ZFYVE28: variants seen among roughly 807,000 people sequenced by gnomAD.
ZFYVE28 encodes the protein lateral signaling target protein 2 homolog.
ZFYVE28 carries 40 observed loss-of-function variants against 82.1 expected under a neutral mutation model. That is an observed-to-expected ratio of 0.49 (90% confidence interval 0.38 to 0.63). The LOEUF (loss-of-function observed/expected upper bound fraction) is 0.63. Ranked by LOEUF, ZFYVE28 falls within the 30% of genes least tolerant of loss-of-function variation. The pLI, the probability that ZFYVE28 is intolerant of heterozygous loss-of-function variation, is 0.00. For missense variants in ZFYVE28, 1,321 were observed against 1,242.1 expected (o/e 1.06, Z -0.96); for synonymous variants, 612 against 546.1 (o/e 1.12, Z -1.68).
chr4:2,312,556 G>A (rs1484456491), intron 7 of ZFYVE28, among the ~76,000 whole-genome samples: 1 of 151,658 alleles, frequency 6.6e-6, no homozygotes, highest in Admixed American at 6.6e-5. Context: ...GTGAAACCCC[G>A]TCACTACTAA....
intron 1 of ZFYVE28, among the ~76,000 whole-genome samples, chr4:2,358,215 C>T (rs192551641): frequency 1.4e-4 from 21 of 152,248 alleles, no homozygotes; most frequent in African/African-American, 4.1e-4. Context: ...TGAATCTGTG[C>T]GTTGTGCATA....
intron 1 of ZFYVE28, among the ~76,000 whole-genome samples, chr4:2,357,222 T>A (rs1411075741): frequency 6.6e-6 from 1 of 152,140 alleles, no homozygotes; most frequent in Non-Finnish European, 1.5e-5. Context: ...TGACCTTGCT[T>A]ATGGGGTGAC....
In ZFYVE28 at chr4:2,313,645, C is replaced by G. The variant is rs149739664; in HGVS notation, c.803+6525G>C. On this transcript the variant is annotated intron_variant, in intron 7 of 12. Coordinates refer to ENST00000290974, the MANE Select transcript of ZFYVE28 (RefSeq NM_020972.3). Reference sequence around the variant, plus strand: ...CTTCGGGAGGCCGAGGTGAGTGGATCATTTGAGGTCAGGAGTTCAGGACCA... The same window carrying G: ...CTTCGGGAGGCCGAGGTGAGTGGATGATTTGAGGTCAGGAGTTCAGGACCA... Among the ~76,000 whole-genome samples, 49 of 152,210 alleles carry G rather than the reference C, an allele frequency of 3.2e-4. No homozygotes were observed. The East Asian group carries it at 7.9e-3, about 25-fold the overall frequency.
At chr4:2,386,104 C>A (rs1434335091) in intron 1 of ZFYVE28, among the ~76,000 whole-genome samples, 1 of 152,226 alleles carries the variant, frequency 6.6e-6, no homozygotes, top group African/African-American at 2.4e-5. Flanking sequence ...ACGGCTGCAG[C>A]AGCTGGCTTT....
chr4:2,310,173 T>C (rs1717273983), intron 7 of ZFYVE28, among the ~76,000 whole-genome samples: 1 of 152,030 alleles, frequency 6.6e-6, no homozygotes, highest in South Asian at 2.1e-4. Context: ...CAAGTAGCTG[T>C]CAGTACAGAT....
At chr4:2,395,216 G>GGGCAC (rs1730306365) in intron 1 of ZFYVE28, among the ~76,000 whole-genome samples, 1 of 49,590 alleles carries the variant, frequency 2.0e-5, no homozygotes, top group Admixed American at 2.7e-4. Flanking sequence ...AGAGCAGACA[G>GGGCAC]TGAGGGCACT....
At position 2,335,140 on chromosome 4, in the gene ZFYVE28, C is replaced by T. The variant is rs575261368; in HGVS notation, c.701+565G>A. ...GACCCTACAGGCTGCCTTGAGTTCCCTGCTCTCCCAGACGGCCCCGCTGGC... is the reference window on the plus strand; with the variant it reads ...GACCCTACAGGCTGCCTTGAGTTCCTTGCTCTCCCAGACGGCCCCGCTGGC... On this transcript the variant is annotated intron_variant, in intron 6 of 12. Coordinates refer to ENST00000290974, the MANE Select transcript of ZFYVE28 (RefSeq NM_020972.3). This position sits in a 1 kb window ranked among gnomAD's most constrained non-coding sequence, Gnocchi z 5.8. Among the ~76,000 whole-genome samples the T allele has an allele frequency of 6.6e-6, 1 of 151,924 alleles. No homozygotes were observed. The highest frequency in any genetic ancestry group is 2.1e-4 in the South Asian group (1 of 4,796).
In ZFYVE28 at chr4:2,409,827, G is replaced by A. The variant is rs1732325880; in HGVS notation, c.39+8458C>T. ...TGTCTTCTGGAAGCCCCAGGACAAG[G>A]GCCCTGCCAGCAGCACAGGGTGGGA... On this transcript the variant is annotated intron_variant, in intron 1 of 12. Coordinates refer to ENST00000290974, the MANE Select transcript of ZFYVE28 (RefSeq NM_020972.3). The surrounding 1 kb of genome is among the most constrained non-coding windows in gnomAD (Gnocchi z 4.4). 6.6e-6 allele frequency among the ~76,000 whole-genome samples: 1 copy of A among 152,204 alleles called. No homozygotes were observed. Among genetic ancestry groups the A allele is most frequent in the Admixed American group, 6.5e-5 (1 of 15,282 alleles).
At chr4:2,360,668 G>GC (rs1247493790) in intron 1 of ZFYVE28, among the ~76,000 whole-genome samples, 1 of 152,148 alleles carries the variant, frequency 6.6e-6, no homozygotes, top group Non-Finnish European at 1.5e-5. Context: ...AATGAACACA[G>GC]CTTACAAAAT....
At chr4:2,330,819 G>T in intron 6 of ZFYVE28, 1 of 1,534,240 alleles carries the variant, frequency 6.5e-7, no homozygotes, top group South Asian at 1.2e-5. Flanking sequence ...CAGCATGGTG[G>T]AGACCCAGGG....
chr4:2,302,905 C>G (rs1205803286), intron 8 of ZFYVE28, among the ~76,000 whole-genome samples: 1 of 152,248 alleles, frequency 6.6e-6, no homozygotes, highest in Non-Finnish European at 1.5e-5. Context: ...CCATCGTATC[C>G]TAAGTCAGAA....
intron 8 of ZFYVE28, among the ~76,000 whole-genome samples, chr4:2,276,014 T>C (rs1046192508): frequency 6.6e-6 from 1 of 152,210 alleles, no homozygotes; most frequent in African/African-American, 2.4e-5. Flanking sequence ...GGCGTGAGTC[T>C]TTTCACAGAC....
chr4:2,288,553 G>A (rs567633408), intron 8 of ZFYVE28, among the ~76,000 whole-genome samples: 1 of 152,248 alleles, frequency 6.6e-6, no homozygotes, highest in Non-Finnish European at 1.5e-5. Flanking sequence ...CTGCCATGGG[G>A]AGGGTGTCTC....
At chr4:2,377,141 C>T (rs1728237756) in intron 1 of ZFYVE28, among the ~76,000 whole-genome samples, 1 of 151,978 alleles carries the variant, frequency 6.6e-6, no homozygotes, top group Non-Finnish European at 1.5e-5. Context: ...CCTGCCTCAG[C>T]CTCCCGAGTA....
chr4:2,312,584 C>T (rs562358301), intron 7 of ZFYVE28, among the ~76,000 whole-genome samples: 5 of 151,608 alleles, frequency 3.3e-5, no homozygotes, highest in South Asian at 2.1e-4. Context: ...AAAAATTAGC[C>T]GGGTGTGGTG....
rs1170115030 is a variant in ZFYVE28, at chr4:2,418,170, G to T, written c.39+115C>A. On this transcript the variant is annotated intron_variant, in intron 1 of 12. Transcript: ENST00000290974. This position sits in a 1 kb window ranked among gnomAD's most constrained non-coding sequence, Gnocchi z 4.6. ...GGAGGGAAGGATGTCGGCGGTGGGGGAAGAGGCCGGCCACGGACAGGGAAA... is the reference window on the plus strand; with the variant it reads ...GGAGGGAAGGATGTCGGCGGTGGGGTAAGAGGCCGGCCACGGACAGGGAAA... 4.2e-6 allele frequency: 4 copies of T among 950,490 alleles called. No homozygotes were observed. The highest frequency in any genetic ancestry group is 1.8e-5 in the South Asian group (1 of 55,806). 58.9% of individuals were successfully genotyped at this position (950,490 alleles called of 1,614,324 possible).
intron 9 of ZFYVE28, 124 bp from the exon 10 acceptor site, chr4:2,273,413 A>C: frequency 1.2e-6 from 1 of 816,162 alleles, no homozygotes; most frequent in Non-Finnish European, 1.9e-6. Flanking sequence ...TTCTCAGATC[A>C]GTCAGGGAGG....
chr4:2,418,497 G>A lies in ZFYVE28; in HGVS notation c.-174C>T, dbSNP rs1026652704. 1.7e-5 allele frequency: 5 copies of A among 290,566 alleles called. No homozygotes were observed. The highest frequency in any genetic ancestry group is 2.6e-5 in the Non-Finnish European group (5 of 192,110). 18.0% of individuals were successfully genotyped at this position (290,566 alleles called of 1,614,324 possible). A position where few individuals can be genotyped will look rare whatever the true frequency, so the allele number is the denominator to read the frequency against. On this transcript the variant is annotated 5_prime_UTR_variant, in exon 1 of 13. Coordinates refer to ENST00000290974, the MANE Select transcript of ZFYVE28 (RefSeq NM_020972.3). This position sits in a 1 kb window ranked among gnomAD's most constrained non-coding sequence, Gnocchi z 4.6. ...GAGCGGGCGGCGGGCAGGTGCGCGG[G>A]GCAGGTGCGCGGCCCTGAGTATGCT...
At chr4:2,308,645 GAA>G (rs950436190) in intron 7 of ZFYVE28, among the ~76,000 whole-genome samples, 1 of 104,614 alleles carries the variant, frequency 9.6e-6, no homozygotes, top group Non-Finnish European at 1.9e-5. Context: ...AAGAAAGAAA[GAA>G]AGAAAGAAAG....
Sources: gnomAD v4.1 joint callset for allele counts (sites outside exome capture counted in the v4.1 genomes callset) on GRCh38, gnomAD v4.1.1 for gene constraint, Gnocchi (gnomAD v3.1) non-coding constraint, MANE v1.5 for transcripts, NCBI Gene and HGNC (gene_info 2026-07-23, HGNC 2026-07-21) for gene names.